Variants in PLPP4 observed in about 807,000 individuals in gnomAD.
PLPP4 encodes the protein phospholipid phosphatase 4.
Under a neutral mutation model 32.2 loss-of-function variants are expected in PLPP4, and 20 were observed. That is an observed-to-expected ratio of 0.62 (90% CI 0.44 to 0.90). The LOEUF (loss-of-function observed/expected upper bound fraction) is 0.90, where lower values mean the gene tolerates loss of function less well. Ranked by LOEUF, PLPP4 falls within the 40% of genes least tolerant of loss-of-function variation. The pLI, the probability that PLPP4 is intolerant of heterozygous loss-of-function variation, is 0.00. For missense variants in PLPP4, 257 were observed against 353.1 expected (o/e 0.73, Z 2.18); for synonymous variants, 127 against 133.0 (o/e 0.95, Z 0.31).
At chr10:120,503,772 G>C in intron 1 of PLPP4, 46 bp from the exon 2 acceptor site, 2 of 1,592,260 alleles carry the variant, frequency 1.3e-6, no homozygotes, top group Non-Finnish European at 1.7e-6. Context: ...ACTTCCCACA[G>C]CAACAGAACG....
At chr10:120,520,306 G>A (rs1846097769) in intron 4 of PLPP4, among the ~76,000 whole-genome samples, 1 of 152,198 alleles carries the variant, frequency 6.6e-6, no homozygotes, top group Non-Finnish European at 1.5e-5. Flanking sequence ...AGTGAGGCCA[G>A]GTGAGGCCTG....
In PLPP4 at chr10:120,499,240, CT is replaced by C. The variant is rs550165399; in HGVS notation, c.57-4577del. On this transcript the variant is annotated intron_variant, in intron 1 of 6. Transcript: ENST00000398250. ...TACTAAGGCTGGCAGGGCTATAGTCCTCTACGCTGAATGGCTTCAGGTTGCT... is the reference window on the plus strand; with the variant it reads ...TACTAAGGCTGGCAGGGCTATAGTCCCTACGCTGAATGGCTTCAGGTTGCT... 2.1e-3 allele frequency among the ~76,000 whole-genome samples: 317 copies of C among 152,252 alleles called. 1 individual carries two copies. The highest frequency in any genetic ancestry group is 6.8e-3 in the Middle Eastern group (2 of 294).
At chr10:120,538,085 T>TGTGTGTGTG (rs71019774) in intron 5 of PLPP4, among the ~76,000 whole-genome samples, 57 of 127,702 alleles carry the variant, frequency 4.5e-4, no homozygotes, top group East Asian at 1.1e-3. Flanking sequence ...TGTGTGTGTG[T>TGTGTGTGTG]TTTCAGATTC....
intron 5 of PLPP4, among the ~76,000 whole-genome samples, chr10:120,574,166 A>ACACTCT (rs1195721365): frequency 2.1e-5 from 1 of 47,978 alleles, no homozygotes; most frequent in Non-Finnish European, 4.1e-5. Context: ...ACACACACAC[A>ACACTCT]CACTCTCTCT....
intron 5 of PLPP4, among the ~76,000 whole-genome samples, chr10:120,544,931 G>A (rs528771795): frequency 6.6e-6 from 1 of 152,352 alleles, no homozygotes; most frequent in South Asian, 2.1e-4. Flanking sequence ...GGAAGTCTAT[G>A]CCAGAAGAAG....
intron 5 of PLPP4, among the ~76,000 whole-genome samples, chr10:120,574,168 A>ACACTCTCTCTCT (rs1849090021): frequency 2.1e-5 from 1 of 47,120 alleles, no homozygotes; most frequent in Non-Finnish European, 4.1e-5. Flanking sequence ...ACACACACAC[A>ACACTCTCTCTCT]CTCTCTCTCT....
chr10:120,513,621 A>T (rs1308227196), intron 2 of PLPP4, among the ~76,000 whole-genome samples: 1 of 152,238 alleles, frequency 6.6e-6, no homozygotes, highest in Admixed American at 6.5e-5. Context: ...GACATGATTC[A>T]TCGTAATTAT....
intron 6 of PLPP4, among the ~76,000 whole-genome samples, chr10:120,586,754 C>G (rs1849779989): frequency 6.6e-6 from 1 of 152,126 alleles, no homozygotes; most frequent in Non-Finnish European, 1.5e-5. Context: ...AGTTTTGAGT[C>G]CAGCATTAAA....
At chr10:120,574,160 ACACACACACTCTCTCTCTCT>A (rs1215892918) in intron 5 of PLPP4, among the ~76,000 whole-genome samples, 59 of 117,678 alleles carry the variant, frequency 5.0e-4, no homozygotes, top group Middle Eastern at 4.1e-3. Context: ...ACACACACAC[ACACACACACTCTCTCTCTCT>A]CTCTCTCTCT....
At chr10:120,505,370 C>T (rs1200567776) in intron 2 of PLPP4, among the ~76,000 whole-genome samples, 1 of 152,190 alleles carries the variant, frequency 6.6e-6, no homozygotes, top group South Asian at 2.1e-4. Context: ...AATATTTAAG[C>T]TCCTCTTTGT....
chr10:120,513,708 A>G (rs1845819212), intron 2 of PLPP4, among the ~76,000 whole-genome samples: 1 of 152,136 alleles, frequency 6.6e-6, no homozygotes, highest in Non-Finnish European at 1.5e-5. Flanking sequence ...ATAACCTACA[A>G]TCAGATCTTC....
chr10:120,575,126 G>A lies in PLPP4; in HGVS notation c.446-5G>A. On this transcript the variant is annotated splice_region_variant and splice_polypyrimidine_tract_variant and intron_variant, in intron 5 of 6. Transcript: ENST00000398250. ...AGAGTAACACCTGCTGTTTCTGTTT[G>A]GCAGTTGCCTTTTCGGGCCTTGGCT... 6.2e-7 allele frequency: 1 copy of A among 1,611,802 alleles called. No homozygotes were observed. Among genetic ancestry groups the A allele is most frequent in the Non-Finnish European group, 8.5e-7 (1 of 1,178,632 alleles).
At chr10:120,577,105 A>AGTG (rs1232014857) in intron 6 of PLPP4, among the ~76,000 whole-genome samples, 3 of 152,202 alleles carry the variant, frequency 2.0e-5, no homozygotes, top group Non-Finnish European at 4.4e-5. Context: ...ACACATGCAA[A>AGTG]GTGGTATCAT....
At chr10:120,580,867 G>T in intron 6 of PLPP4, 3 of 1,288,530 alleles carry the variant, frequency 2.3e-6, no homozygotes, top group Non-Finnish European at 2.0e-6. Context: ...CAGCCCAAGT[G>T]AATTGATGTC....
At chr10:120,543,012 G>A (rs1847425625) in intron 5 of PLPP4, among the ~76,000 whole-genome samples, 1 of 152,208 alleles carries the variant, frequency 6.6e-6, no homozygotes, top group African/African-American at 2.4e-5. Context: ...TGAAGAACGT[G>A]GTAATGTGTG....
chr10:120,560,708 T>C (rs578095583), intron 5 of PLPP4, among the ~76,000 whole-genome samples: 36 of 152,226 alleles, frequency 2.4e-4, no homozygotes, highest in African/African-American at 8.4e-4. Context: ...TGAGCTGAGA[T>C]TGCACCACTG....
chr10:120,474,302 T>A (rs1314085277), intron 1 of PLPP4, among the ~76,000 whole-genome samples: 3 of 152,156 alleles, frequency 2.0e-5, no homozygotes, highest in Non-Finnish European at 2.9e-5. Context: ...CCATTTTTAC[T>A]TTTACCATGA....
intron 1 of PLPP4, among the ~76,000 whole-genome samples, chr10:120,466,639 G>T (rs965699358): frequency 3.3e-5 from 5 of 152,074 alleles, no homozygotes; most frequent in African/African-American, 1.2e-4. Flanking sequence ...CTATTTTTAG[G>T]TTGAACTGAA....
Position 120,591,790 on chromosome 10 carries a change from C to T in PLPP4, c.*2288C>T, listed in dbSNP as rs1214110840. Reference sequence around the variant, plus strand: ...TTTAAAGATAAATGGCCAGGAAGTACTCTGCAAAGTAACAACAGAGTATTA... The same window carrying T: ...TTTAAAGATAAATGGCCAGGAAGTATTCTGCAAAGTAACAACAGAGTATTA... On this transcript the variant is annotated 3_prime_UTR_variant, in exon 7 of 7. Transcript: ENST00000398250. Among the ~76,000 whole-genome samples, 2 of 152,110 alleles carry T rather than the reference C, an allele frequency of 1.3e-5. No homozygotes were observed. Among genetic ancestry groups the T allele is most frequent in the Non-Finnish European group, 2.9e-5 (2 of 68,016 alleles).
Sources: gnomAD v4.1 joint callset for allele counts (sites outside exome capture counted in the v4.1 genomes callset) on GRCh38, gnomAD v4.1.1 for gene constraint, MANE v1.5 for transcripts, NCBI Gene and HGNC (gene_info 2026-07-23, HGNC 2026-07-21) for gene names.